XIAP: variants seen among roughly 807,000 people sequenced by gnomAD.
XIAP encodes X-linked inhibitor of apoptosis.
Under a neutral mutation model 33.1 loss-of-function variants are expected in XIAP, and 3 were observed. The observed-to-expected ratio is 0.09, with a 90% CI of 0.04 to 0.23. The LOEUF (loss-of-function observed/expected upper bound fraction) is 0.23, where lower values mean the gene tolerates loss of function less well. Ranked by LOEUF, XIAP falls within the 10% of genes least tolerant of loss-of-function variation. The probability of loss-of-function intolerance (pLI) is 1.00; values close to 1 mark genes in which losing one functional copy is unlikely to be tolerated. For missense variants in XIAP, 264 were observed against 363.0 expected (o/e 0.73, Z 2.22); for synonymous variants, 98 against 121.3 (o/e 0.81, Z 1.26).
At chrX:123,886,940 A>G (rs1289244677) in intron 2 of XIAP, among the ~76,000 whole-genome samples, 3 of 111,702 alleles carry the variant, frequency 2.7e-5, no homozygotes, top group African/African-American at 9.8e-5. Flanking sequence ...TGTTTTTGAG[A>G]CAGAGTTTCG....
intron 1 of XIAP, among the ~76,000 whole-genome samples, chrX:123,880,305 G>A (rs1451730426): frequency 1.9e-5 from 2 of 107,999 alleles, no homozygotes; most frequent in Non-Finnish European, 3.8e-5. Flanking sequence ...CAGCCACTCA[G>A]GAGGCTGAGG....
chrX:123,891,425 G>A, intron 4 of XIAP, 109 bp downstream of exon 4: 1 of 390,857 alleles, frequency 2.6e-6, no homozygotes, highest in Admixed American at 4.9e-5. Context: ...TTCTTCATGT[G>A]ATATTCACAG....
At chrX:123,894,217 T>C (rs760279718) in intron 5 of XIAP, among the ~76,000 whole-genome samples, 1 of 112,394 alleles carries the variant, frequency 8.9e-6, no homozygotes, top group African/African-American at 3.2e-5. Context: ...AAAGATATTA[T>C]GCTAAGCAAG....
chrX:123,883,662 A>G (rs1267046918), intron 1 of XIAP, among the ~76,000 whole-genome samples: 2 of 108,232 alleles, frequency 1.8e-5, no homozygotes, highest in African/African-American at 6.7e-5. Flanking sequence ...ACGCCCAGCT[A>G]ATTTTGTGTT....
chrX:123,909,963 T>TC lies in XIAP; in HGVS notation c.*2787dup, dbSNP rs1475925603. 2 of 327,780 alleles carry TC rather than the reference T, an allele frequency of 6.1e-6. No individual in the cohort carries two copies. The highest frequency in any genetic ancestry group is 5.3e-5 in the African/African-American group (2 of 37,568). The allele number at this position is 327,780 out of a possible 1,213,427, so 27.0% of individuals were successfully genotyped here. On this transcript the variant is annotated 3_prime_UTR_variant, in exon 7 of 7. Coordinates refer to ENST00000371199, the MANE Select transcript of XIAP (RefSeq NM_001167.4). ...AAACTATAGCCATATCCAAATCTTTTCCCCCTCCCAAGAGTTCTCAGTGTC... is the reference window on the plus strand; with the variant it reads ...AAACTATAGCCATATCCAAATCTTTTCCCCCCTCCCAAGAGTTCTCAGTGTC...
intron 1 of XIAP, among the ~76,000 whole-genome samples, chrX:123,884,340 C>T (rs375870775): frequency 3.6e-5 from 4 of 110,630 alleles, no homozygotes; most frequent in South Asian, 3.8e-4. Flanking sequence ...CAAAATTAGC[C>T]GGGCATGGTG....
intron 5 of XIAP, among the ~76,000 whole-genome samples, chrX:123,897,336 G>C (rs767499875): frequency 8.9e-6 from 1 of 111,763 alleles, no homozygotes; most frequent in South Asian, 3.7e-4. Context: ...GGTCACCAAG[G>C]TTTATACCTA....
At position 123,911,421 on chromosome X, in the gene XIAP, G is replaced by A. The variant is rs370097018; in HGVS notation, c.*4240G>A. 1.4e-5 allele frequency: 4 copies of A among 290,471 alleles called. No individual in the cohort carries two copies. The highest frequency in any genetic ancestry group is 1.1e-4 in the African/African-American group (4 of 35,533). 23.9% of individuals were successfully genotyped at this position (290,471 alleles called of 1,213,427 possible). On this transcript the variant is annotated 3_prime_UTR_variant, in exon 7 of 7. Transcript: ENST00000371199. ...GAACCCAGGAGGCGGAGGTTGTGGT[G>A]AGCGAAGATCGTGCCATTGCACTCC...
chrX:123,883,387 G>C (rs1236419517), intron 1 of XIAP, among the ~76,000 whole-genome samples: 6 of 109,457 alleles, frequency 5.5e-5, no homozygotes, highest in African/African-American at 2.0e-4. Context: ...TCCGGCCTAT[G>C]CACCAGATAT....
At chrX:123,862,752 G>A (rs1264532984) in intron 1 of XIAP, among the ~76,000 whole-genome samples, 1 of 108,630 alleles carries the variant, frequency 9.2e-6, no homozygotes, top group African/African-American at 3.4e-5. Flanking sequence ...CTACATGGGA[G>A]GCTGAAGCAG....
chrX:123,866,513 A>G (rs1214819981), intron 1 of XIAP, among the ~76,000 whole-genome samples: 2 of 92,682 alleles, frequency 2.2e-5, no homozygotes, highest in African/African-American at 8.0e-5. Context: ...TATATGATAT[A>G]TCATATATAA....
rs1429986844 is a variant in XIAP, at chrX:123,894,890, G to A, written c.1099+2117G>A. Reference sequence around the variant, plus strand: ...ACCTGGAAGGCGGAGGTTTCTGTGAGCTGAGATCATGCTACTGCACTCCAG... The same window carrying A: ...ACCTGGAAGGCGGAGGTTTCTGTGAACTGAGATCATGCTACTGCACTCCAG... On this transcript the variant is annotated intron_variant, in intron 5 of 6. Coordinates refer to ENST00000371199, the MANE Select transcript of XIAP (RefSeq NM_001167.4). Among the ~76,000 whole-genome samples the A allele has an allele frequency of 3.6e-5, 4 of 110,465 alleles. No individual in the cohort carries two copies. The East Asian group carries it at 1.1e-3, about 31-fold the overall frequency.
intron 4 of XIAP, 58 bp downstream of exon 4, chrX:123,891,374 T>A (rs1387374583): frequency 1.7e-6 from 1 of 580,316 alleles, no homozygotes; most frequent in Non-Finnish European, 2.7e-6. Context: ...ATTTATATTT[T>A]CATTATGTAG....
chrX:123,887,991 A>G (rs1167797978), intron 2 of XIAP, among the ~76,000 whole-genome samples: 1 of 98,396 alleles, frequency 1.0e-5, no homozygotes, highest in African/African-American at 4.0e-5. Context: ...TCTCAGAAAA[A>G]AATAATAATA....
At chrX:123,891,464 C>G (rs1303067848) in intron 4 of XIAP, 148 bp downstream of exon 4, 1 of 291,307 alleles carries the variant, frequency 3.4e-6, no homozygotes, top group Non-Finnish European at 6.1e-6. Context: ...TATATGTGTA[C>G]ATTACATCAA....
chrX:123,897,284 A>T, intron 5 of XIAP, among the ~76,000 whole-genome samples: 1 of 111,819 alleles, frequency 8.9e-6, no homozygotes, highest in East Asian at 2.8e-4. Context: ...TGTGTTGCTC[A>T]TGCTTTTAAT....
At chrX:123,874,203 G>A (rs139260341) in intron 1 of XIAP, among the ~76,000 whole-genome samples, 1,282 of 111,598 alleles carry the variant, frequency 0.011, 19 homozygotes, top group African/African-American at 0.039. Context: ...CTGGTTGGCA[G>A]GATTGTACAA....
intron 1 of XIAP, chrX:123,879,314 AGTT>A: frequency 7.0e-5 from 1 of 14,266 alleles, no homozygotes; most frequent in African/African-American, 2.2e-4. Context: ...CCACAGAAAG[AGTT>A]TTTTTTTTTT....
At chrX:123,872,005 G>A (rs2053198852) in intron 1 of XIAP, among the ~76,000 whole-genome samples, 1 of 110,945 alleles carries the variant, frequency 9.0e-6, no homozygotes, top group Non-Finnish European at 1.9e-5. Context: ...GGAGGCTAAG[G>A]CACGAGAATT....
Sources: gnomAD v4.1 joint callset for allele counts (sites outside exome capture counted in the v4.1 genomes callset) on GRCh38, gnomAD v4.1.1 for gene constraint, MANE v1.5 for transcripts, NCBI Gene and HGNC (gene_info 2026-07-23, HGNC 2026-07-21) for gene names.